Variants in LGSN observed in about 807,000 individuals in gnomAD.
LGSN encodes lengsin.
Under a neutral mutation model 19.5 loss-of-function variants are expected in LGSN, and 21 were observed. That is an observed-to-expected ratio of 1.07 (90% CI 0.76 to 1.55). The LOEUF (loss-of-function observed/expected upper bound fraction) is 1.55. Ranked by LOEUF, LGSN falls within the 40% of genes most tolerant of loss-of-function variation. The pLI is 0.00. For missense variants in LGSN, 673 were observed against 608.5 expected (o/e 1.11, Z -1.12); for synonymous variants, 257 against 215.6 (o/e 1.19, Z -1.68).
chr6:63,518,154 CAAAAAAA>C, the LGSN span, among the ~76,000 whole-genome samples: 9 of 62,112 alleles, frequency 1.4e-4, no homozygotes, highest in Non-Finnish European at 2.3e-4. Flanking sequence ...ACTCCGTCTC[CAAAAAAA>C]AAAAAAAAAA....
the LGSN span, among the ~76,000 whole-genome samples, chr6:63,365,402 C>T: frequency 1.3e-5 from 2 of 152,098 alleles, no homozygotes; most frequent in Non-Finnish European, 2.9e-5. Context: ...AGTTGAATCC[C>T]TAAATAGACC....
chr6:63,412,929 A>T, the LGSN span, among the ~76,000 whole-genome samples: 4 of 151,786 alleles, frequency 2.6e-5, no homozygotes, highest in Non-Finnish European at 5.9e-5. Context: ...AAAGGAAGGA[A>T]GGAAGAAAGG....
chr6:63,510,974 C>T, the LGSN span, among the ~76,000 whole-genome samples: 1 of 151,930 alleles, frequency 6.6e-6, no homozygotes. Context: ...CGCTCCCGGT[C>T]AAGATGCGAA....
At chr6:63,479,393 CTT>C in the LGSN span, among the ~76,000 whole-genome samples, 26 of 147,064 alleles carry the variant, frequency 1.8e-4, no homozygotes, top group Non-Finnish European at 1.6e-4. Context: ...GTAACAACTT[CTT>C]TTTTTTTTTT....
At chr6:63,315,638 G>A (rs1768816492) in intron 1 of LGSN, among the ~76,000 whole-genome samples, 1 of 151,048 alleles carries the variant, frequency 6.6e-6, no homozygotes, top group Non-Finnish European at 1.5e-5. Context: ...GTGTGTGTGT[G>A]TGTGTGTGTG....
intron 3 of LGSN, among the ~76,000 whole-genome samples, chr6:63,285,288 G>A (rs1767479863): frequency 6.6e-6 from 1 of 152,086 alleles, no homozygotes; most frequent in African/African-American, 2.4e-5. Context: ...ATTGCAGTAA[G>A]GGAGAAAAAA....
the LGSN span, among the ~76,000 whole-genome samples, chr6:63,505,494 C>A: frequency 7.0e-6 from 1 of 143,582 alleles, no homozygotes; most frequent in Non-Finnish European, 1.5e-5. Context: ...AGGAAAATTT[C>A]TTGAACCCAG....
chr6:63,332,228 G>C, the LGSN span, among the ~76,000 whole-genome samples: 1 of 152,114 alleles, frequency 6.6e-6, no homozygotes, highest in Non-Finnish European at 1.5e-5. Flanking sequence ...CAGAGTCCTG[G>C]AATTTATATT....
chr6:63,539,767 C>CA, the LGSN span, among the ~76,000 whole-genome samples: 3,173 of 128,888 alleles, frequency 0.025, 87 homozygotes, highest in African/African-American at 0.077. Context: ...GACTCTGTCT[C>CA]AAAAAAAAAA....
At chr6:63,317,035 T>C (rs1768895433) in intron 1 of LGSN, among the ~76,000 whole-genome samples, 1 of 152,140 alleles carries the variant, frequency 6.6e-6, no homozygotes, top group South Asian at 2.1e-4. Context: ...TGGATGGATA[T>C]ATGTTTATGT....
chr6:63,359,061 A>G, the LGSN span, among the ~76,000 whole-genome samples: 8 of 152,138 alleles, frequency 5.3e-5, no homozygotes, highest in Non-Finnish European at 1.2e-4. Flanking sequence ...GAATTTTGTC[A>G]AAGGCCTTTT....
the LGSN span, among the ~76,000 whole-genome samples, chr6:63,425,622 A>C: frequency 2.0e-5 from 3 of 152,112 alleles, no homozygotes; most frequent in Admixed American, 6.6e-5. Flanking sequence ...GAGCGGGGGA[A>C]GGGAGAAGGG....
chr6:63,479,582 A>T, the LGSN span, among the ~76,000 whole-genome samples: 1 of 152,088 alleles, frequency 6.6e-6, no homozygotes, highest in African/African-American at 2.4e-5. Context: ...TACTAAAAAC[A>T]CAAAAAAATT....
At chr6:63,322,540 A>G (rs1283578401), upstream of LGSN, among the ~76,000 whole-genome samples, 4 of 152,154 alleles carry the variant, frequency 2.6e-5, no homozygotes, top group African/African-American at 9.7e-5. Context: ...CCTCCTTTAT[A>G]TGCATCTAAT....
the LGSN span, among the ~76,000 whole-genome samples, chr6:63,563,644 A>G: frequency 6.6e-6 from 1 of 152,178 alleles, no homozygotes; most frequent in South Asian, 2.1e-4. Flanking sequence ...AAACATGTTT[A>G]TGTTATTCAT....
the LGSN span, among the ~76,000 whole-genome samples, chr6:63,328,885 AAAGCCGGT>A: frequency 1.3e-5 from 2 of 152,314 alleles, no homozygotes; most frequent in South Asian, 4.1e-4. Flanking sequence ...ATAGTTGGCA[AAAGCCGGT>A]AATTCCAAGG....
At chr6:63,343,541 T>C in the LGSN span, among the ~76,000 whole-genome samples, 2 of 152,162 alleles carry the variant, frequency 1.3e-5, no homozygotes, top group African/African-American at 2.4e-5. Context: ...CAGATGACAA[T>C]GAGTAGGGTA....
chr6:63,572,916 C>T, the LGSN span, among the ~76,000 whole-genome samples: 2 of 152,002 alleles, frequency 1.3e-5, no homozygotes, highest in Non-Finnish European at 2.9e-5. Context: ...AGGCAGATGC[C>T]GGGCCCCTCG....
chr6:63,521,190 T>G, the LGSN span, among the ~76,000 whole-genome samples: 1 of 151,534 alleles, frequency 6.6e-6, no homozygotes, highest in Non-Finnish European at 1.5e-5. Flanking sequence ...GTAACAAACC[T>G]GAGCATTCAG....
Sources: allele counts gnomAD v4.1 joint callset (sites outside exome capture counted in the v4.1 genomes callset), GRCh38; gene constraint gnomAD v4.1.1; transcripts MANE v1.5; gene names NCBI Gene and HGNC (gene_info 2026-07-23, HGNC 2026-07-21).